The following XPR1 variants were observed in gnomAD, a reference collection of about 807,000 sequenced individuals.
XPR1 encodes xenotropic and polytropic retrovirus receptor 1.
Under a neutral mutation model 87.5 loss-of-function variants are expected in XPR1, and 28 were observed. The ratio of observed to expected loss-of-function variants is 0.32; its 90% confidence interval spans 0.24 to 0.44. XPR1 has a LOEUF of 0.44. Among genes scored for constraint, XPR1 ranks in the 20% least tolerant of loss-of-function variants. The probability of loss-of-function intolerance (pLI) is 1.00; values close to 1 mark genes in which losing one functional copy is unlikely to be tolerated. For synonymous variants in XPR1, 300 were observed against 306.1 expected, an observed-to-expected ratio of 0.98 and a Z score of 0.21; for missense variants, 559 against 862.3, an observed-to-expected ratio of 0.65 and a Z score of 4.41.
chr1:180,644,123 T>C (rs1029237859), intron 1 of XPR1, among the ~76,000 whole-genome samples: 2 of 152,218 alleles, frequency 1.3e-5, no homozygotes, highest in Non-Finnish European at 2.9e-5. Flanking sequence ...ATGTACCTAA[T>C]GTTCACATTC....
intron 3 of XPR1, among the ~76,000 whole-genome samples, chr1:180,799,866 A>G (rs3002119): frequency 0.49 from 73,998 of 152,026 alleles, 18,890 homozygotes; most frequent in East Asian, 0.83. Flanking sequence ...AGCAGCTGCT[A>G]TCACAGAGAC....
At chr1:180,634,065 C>T (rs1028520798) in intron 1 of XPR1, among the ~76,000 whole-genome samples, 34 of 152,168 alleles carry the variant, frequency 2.2e-4, no homozygotes, top group African/African-American at 8.2e-4. Flanking sequence ...AAATGCAACC[C>T]TCTTAATTTG....
At chr1:180,650,607 A>C (rs573423982) in intron 1 of XPR1, among the ~76,000 whole-genome samples, 21 of 152,146 alleles carry the variant, frequency 1.4e-4, no homozygotes, top group Admixed American at 1.0e-3. Context: ...CTTAACCTTC[A>C]CTTTCATTGA....
At chr1:180,824,978 A>C in intron 8 of XPR1, 35 bp downstream of exon 8, 1 of 1,598,654 alleles carries the variant, frequency 6.3e-7, no homozygotes, top group Non-Finnish European at 8.5e-7. Flanking sequence ...TCATGAATAT[A>C]GTTTGCATTA....
At chr1:180,830,086 A>G (rs916268932) in intron 9 of XPR1, among the ~76,000 whole-genome samples, 2 of 152,110 alleles carry the variant, frequency 1.3e-5, no homozygotes, top group South Asian at 2.1e-4. Context: ...TTTTGGTGTT[A>G]TATCCTAAAT....
chr1:180,722,066 C>T (rs1176633121), intron 2 of XPR1, among the ~76,000 whole-genome samples: 1 of 151,754 alleles, frequency 6.6e-6, no homozygotes, highest in East Asian at 1.9e-4. Context: ...AGTTGAAAAC[C>T]ATCCTGGGCA....
chr1:180,678,933 C>T (rs965150956), intron 1 of XPR1, among the ~76,000 whole-genome samples: 44 of 152,006 alleles, frequency 2.9e-4, no homozygotes, highest in Non-Finnish European at 4.9e-4. Flanking sequence ...TGGTGGCTCA[C>T]GCCTGTAATC....
At position 180,632,036 on chromosome 1, in the gene XPR1, G is replaced by T. The variant is rs1654592893; in HGVS notation, c.-166G>T. ...GGGGCGGGGCTATGGAGAGGAGGAG[G>T]AAGATGGCGGGCGGGCTGCTCTGAA... On this transcript the variant is annotated 5_prime_UTR_variant, in exon 1 of 15. Transcript: ENST00000367590. 4 of 740,000 alleles carry T rather than the reference G, an allele frequency of 5.4e-6. No homozygotes were observed. The allele number at this position is 740,000 out of a possible 1,614,324, so 45.8% of individuals were successfully genotyped here. A position where few individuals can be genotyped will look rare whatever the true frequency, so the allele number is the denominator to read the frequency against.
chr1:180,704,606 T>A (rs1657489822), intron 2 of XPR1, among the ~76,000 whole-genome samples: 1 of 151,746 alleles, frequency 6.6e-6, no homozygotes, highest in Non-Finnish European at 1.5e-5. Flanking sequence ...TATATTTTGG[T>A]ACAGTGCAGT....
chr1:180,632,329 A>G (rs979711921), intron 1 of XPR1, 59 bp downstream of exon 1: 84 of 1,561,562 alleles, frequency 5.4e-5, no homozygotes, highest in Non-Finnish European at 7.2e-5. Flanking sequence ...GCCAGTCCTG[A>G]CGTCCACCGC....
At chr1:180,648,565 A>G (rs1482667435) in intron 1 of XPR1, among the ~76,000 whole-genome samples, 2 of 152,160 alleles carry the variant, frequency 1.3e-5, no homozygotes, top group Non-Finnish European at 2.9e-5. Context: ...GGAGTGCAGT[A>G]GCACAGTCTC....
intron 1 of XPR1, among the ~76,000 whole-genome samples, chr1:180,647,666 A>C (rs1391155777): frequency 6.6e-6 from 1 of 152,152 alleles, no homozygotes; most frequent in Non-Finnish European, 1.5e-5. Flanking sequence ...TGGGAGGCCA[A>C]GGTGGGTGGA....
chr1:180,755,595 A>G (rs7549787), intron 2 of XPR1, among the ~76,000 whole-genome samples: 6,108 of 152,288 alleles, frequency 0.04, 435 homozygotes, highest in African/African-American at 0.14. Flanking sequence ...TCCATAAACT[A>G]AAACCCTTCT....
intron 13 of XPR1, chr1:180,878,350 G>A (rs1652726147): frequency 6.6e-6 from 1 of 151,982 alleles, no homozygotes; most frequent in Admixed American, 6.6e-5. Flanking sequence ...GTCCTTTATA[G>A]CAAAACTCTT....
At chr1:180,746,115 A>G (rs1647231546) in intron 2 of XPR1, among the ~76,000 whole-genome samples, 1 of 151,988 alleles carries the variant, frequency 6.6e-6, no homozygotes. Flanking sequence ...TTATTTAAAT[A>G]GCTTTAGGTG....
intron 2 of XPR1, among the ~76,000 whole-genome samples, chr1:180,686,762 G>A (rs919259881): frequency 7.9e-5 from 12 of 152,232 alleles, no homozygotes; most frequent in Non-Finnish European, 1.8e-4. Context: ...TTAGAGACTT[G>A]TTCTTATGAC....
chr1:180,756,544 T>G (rs1647756357), intron 2 of XPR1, among the ~76,000 whole-genome samples: 1 of 152,224 alleles, frequency 6.6e-6, no homozygotes, highest in African/African-American at 2.4e-5. Context: ...GTCAGTTGTA[T>G]TGGCAAATAT....
At chr1:180,801,352 G>A (rs558218090) in intron 3 of XPR1, among the ~76,000 whole-genome samples, 4 of 152,306 alleles carry the variant, frequency 2.6e-5, no homozygotes, top group East Asian at 3.9e-4. Flanking sequence ...TTGGAGAGGC[G>A]TAAGAGTGGT....
chr1:180,676,901 C>A (rs912612523), intron 1 of XPR1, among the ~76,000 whole-genome samples: 1 of 152,120 alleles, frequency 6.6e-6, no homozygotes, highest in African/African-American at 2.4e-5. Flanking sequence ...TAAAGGTTTT[C>A]CCATAAGGTT....
Sources: gnomAD v4.1 joint callset for allele counts (sites outside exome capture counted in the v4.1 genomes callset) on GRCh38, gnomAD v4.1.1 for gene constraint, MANE v1.5 for transcripts, NCBI Gene and HGNC (gene_info 2026-07-23, HGNC 2026-07-21) for gene names.